Variants in RAPGEF2 observed in about 807,000 individuals in gnomAD.
RAPGEF2 encodes the protein PDZ domain containing guanine nucleotide exchange factor (GEF) 1.
In RAPGEF2, 54 loss-of-function variants were observed where a neutral mutation model predicts 186.7. The observed-to-expected ratio is 0.29, with a 90% CI of 0.23 to 0.36. The LOEUF (loss-of-function observed/expected upper bound fraction) is 0.36. Ranked by LOEUF, RAPGEF2 falls within the 10% of genes least tolerant of loss-of-function variation. The pLI, the probability that RAPGEF2 is intolerant of heterozygous loss-of-function variation, is 1.00. For missense variants in RAPGEF2, 1,532 were observed against 2,045.0 expected (o/e 0.75, Z 4.84); for synonymous variants, 712 against 705.9 (o/e 1.01, Z -0.14).
intron 7 of RAPGEF2, among the ~76,000 whole-genome samples, chr4:159,267,494 G>A (rs1757561565): frequency 6.6e-6 from 1 of 152,194 alleles, no homozygotes; most frequent in Admixed American, 6.5e-5. Context: ...AAGATTAATT[G>A]TGCAAACTTG....
At chr4:159,351,901 A>G (rs1025171597) in intron 26 of RAPGEF2, among the ~76,000 whole-genome samples, 2 of 152,232 alleles carry the variant, frequency 1.3e-5, no homozygotes, top group Admixed American at 6.5e-5. Flanking sequence ...CAGTGAGCCA[A>G]GATCCCGCCA....
chr4:159,331,040 G>A (rs1766618830), intron 13 of RAPGEF2, among the ~76,000 whole-genome samples: 1 of 152,018 alleles, frequency 6.6e-6, no homozygotes, highest in Non-Finnish European at 1.5e-5. Context: ...GAGCTTTCTA[G>A]GCTTAATAGC....
rs1394513733 is a variant in RAPGEF2, at chr4:159,323,625, A to G, written c.1149+8A>G. The G allele has an allele frequency of 1.4e-5, 20 of 1,456,952 alleles. No individual in the cohort carries two copies. The highest frequency in any genetic ancestry group is 2.9e-5 in the African/African-American group (2 of 68,150). The allele number at this position is 1,456,952 out of a possible 1,614,324, so 90.3% of individuals were successfully genotyped here. A position where few individuals can be genotyped will look rare whatever the true frequency, so the allele number is the denominator to read the frequency against. On this transcript the variant is annotated splice_region_variant and intron_variant, in intron 11 of 29. Transcript: ENST00000691494. ...AAGGTGGATGACTGCCAGGTATAAAATATATCATTAAAAATATATATTTTA... is the reference window on the plus strand; with the variant it reads ...AAGGTGGATGACTGCCAGGTATAAAGTATATCATTAAAAATATATATTTTA...
At chr4:159,255,172 G>T (rs1010954727) in intron 7 of RAPGEF2, among the ~76,000 whole-genome samples, 1 of 152,068 alleles carries the variant, frequency 6.6e-6, no homozygotes, top group African/African-American at 2.4e-5. Flanking sequence ...CTAGGTTTGT[G>T]CAAGTACACT....
chr4:159,303,804 C>T (rs1263451718), intron 7 of RAPGEF2, among the ~76,000 whole-genome samples: 1 of 152,072 alleles, frequency 6.6e-6, no homozygotes, highest in African/African-American at 2.4e-5. Context: ...TTGTCCATAA[C>T]TTTCTCAATT....
At chr4:159,228,780 G>C (rs756314636) in intron 4 of RAPGEF2, among the ~76,000 whole-genome samples, 2 of 152,136 alleles carry the variant, frequency 1.3e-5, no homozygotes, top group African/African-American at 2.4e-5. Flanking sequence ...TAACATAGCT[G>C]TTACTTTTTT....
intron 7 of RAPGEF2, among the ~76,000 whole-genome samples, chr4:159,281,671 CAAAAAA>C (rs11346544): frequency 1.2e-5 from 1 of 85,194 alleles, no homozygotes; most frequent in Non-Finnish European, 2.3e-5. Flanking sequence ...AACTTGATTT[CAAAAAA>C]AAAAAAAAAA....
intron 7 of RAPGEF2, among the ~76,000 whole-genome samples, chr4:159,270,037 G>A: frequency 6.6e-6 from 1 of 152,136 alleles, no homozygotes; most frequent in Non-Finnish European, 1.5e-5. Flanking sequence ...AGTGATATTA[G>A]ACTAAAGTAA....
intron 26 of RAPGEF2, 105 bp downstream of exon 26, chr4:159,350,394 T>A: frequency 2.1e-6 from 2 of 974,918 alleles, no homozygotes; most frequent in Non-Finnish European, 2.8e-6. Context: ...TATAGTCATT[T>A]AAGATGAGCT....
In RAPGEF2 at chr4:159,343,278, C is replaced by T. The variant is rs1204451913; in HGVS notation, c.3131-3C>T. ...TTTCCTTTTCCTCCTCTGTCAATTTCAGGAAATGACTCAAAAGTAGACGGG... is the reference window on the plus strand; with the variant it reads ...TTTCCTTTTCCTCCTCTGTCAATTTTAGGAAATGACTCAAAAGTAGACGGG... On this transcript the variant is annotated splice_polypyrimidine_tract_variant and splice_region_variant and intron_variant, in intron 21 of 29. Coordinates refer to ENST00000691494, the MANE Select transcript of RAPGEF2 (RefSeq NM_001394067.2). The T allele has an allele frequency of 1.2e-6, 2 of 1,613,896 alleles. No individual in the cohort carries two copies. Among genetic ancestry groups the T allele is most frequent in the Non-Finnish European group, 1.7e-6 (2 of 1,179,942 alleles).
Position 159,354,045 on chromosome 4 carries a change from T to C in RAPGEF2, c.4650T>C (p.Ile1550=), listed in dbSNP as rs779174444. Residue 1550 remains isoleucine (I), a splice_region_variant and synonymous_variant, in exon 28 of 30, where the codon ATT becomes ATC. Coordinates refer to ENST00000691494, the MANE Select transcript of RAPGEF2 (RefSeq NM_001394067.2). ...CATCAAGTACTACAAAGGGGCTCAT[T>C]GGTAAGTTTTAAAATTGGGGGACTT... is the stretch of plus-strand genomic sequence containing the variant. ...AVASSTTKGL[I]ARKEGRYREP... 3.1e-5 allele frequency: 49 copies of C among 1,557,118 alleles called. No individual in the cohort carries two copies. The Admixed American group carries it at 9.3e-4, about 29-fold the overall frequency.
chr4:159,324,963 T>G (rs2111169310), intron 11 of RAPGEF2, among the ~76,000 whole-genome samples: 2 of 152,308 alleles, frequency 1.3e-5, no homozygotes, highest in Non-Finnish European at 2.9e-5. Flanking sequence ...TATTTATTAG[T>G]CTGCAGTTTG....
At chr4:159,192,883 A>G (rs1171525420) in intron 2 of RAPGEF2, among the ~76,000 whole-genome samples, 1 of 152,164 alleles carries the variant, frequency 6.6e-6, no homozygotes, top group Admixed American at 6.5e-5. Flanking sequence ...GTTTTTATTT[A>G]TCTTGGGGAA....
chr4:159,155,116 A>G lies in RAPGEF2; in HGVS notation c.70-31526A>G, dbSNP rs189567170. The stretch of plus-strand genomic sequence containing the variant: ...ATAGTGTAAATCTCCCCAGAGATTA[A>G]CACAGTGAAACTGTCAGCTAGTATG... On this transcript the variant is annotated intron_variant, in intron 1 of 29. Transcript: ENST00000691494. 1.0e-3 allele frequency among the ~76,000 whole-genome samples: 159 copies of G among 152,276 alleles called. 3 individuals carry two copies. Among genetic ancestry groups the G allele is most frequent in the Non-Finnish European group, 1.2e-3 (81 of 67,990 alleles).
At chr4:159,137,184 A>G (rs536347722) in intron 1 of RAPGEF2, among the ~76,000 whole-genome samples, 1 of 152,366 alleles carries the variant, frequency 6.6e-6, no homozygotes, top group South Asian at 2.1e-4. Context: ...ATAACCAAAT[A>G]CCATAGACAG....
chr4:159,285,198 T>G (rs1760297015), intron 7 of RAPGEF2, among the ~76,000 whole-genome samples: 1 of 152,212 alleles, frequency 6.6e-6, no homozygotes, highest in South Asian at 2.1e-4. Context: ...CTAGTTTACA[T>G]GAAGCTATCT....
Position 159,346,770 on chromosome 4 carries a change from A to C in RAPGEF2, c.3503-19A>C, listed in dbSNP as rs1486603955. 1 of 1,605,678 alleles carries C rather than the reference A, an allele frequency of 6.2e-7. No individual in the cohort carries two copies. Among genetic ancestry groups the C allele is most frequent in the South Asian group, 1.1e-5 (1 of 90,650 alleles). On this transcript the variant is annotated intron_variant, in intron 24 of 29. Coordinates refer to ENST00000691494, the MANE Select transcript of RAPGEF2 (RefSeq NM_001394067.2). ...ATCTAAAATTCTTTGTTCTATTTTC[A>C]AACCCAAACAATTATCAGTGCCTAA... is the stretch of plus-strand genomic sequence containing the variant.
intron 4 of RAPGEF2, among the ~76,000 whole-genome samples, chr4:159,219,813 T>C (rs1751360341): frequency 6.6e-6 from 1 of 152,230 alleles, no homozygotes; most frequent in South Asian, 2.1e-4. Flanking sequence ...ACTAATGAGC[T>C]CTTTTATCCT....
At chr4:159,313,562 A>AT (rs889492543) in intron 8 of RAPGEF2, among the ~76,000 whole-genome samples, 4 of 152,030 alleles carry the variant, frequency 2.6e-5, no homozygotes, top group African/African-American at 7.2e-5. Context: ...TTTAAAAAAT[A>AT]TTTTTTTCTT....
Sources: gnomAD v4.1 joint callset for allele counts (sites outside exome capture counted in the v4.1 genomes callset) on GRCh38, gnomAD v4.1.1 for gene constraint, MANE v1.5 for transcripts, NCBI Gene and HGNC (gene_info 2026-07-23, HGNC 2026-07-21) for gene names.